SLC35F3: variants seen among roughly 807,000 people sequenced by gnomAD.
The protein encoded by SLC35F3 is solute carrier family 35 member F3.
In SLC35F3, 25 loss-of-function variants were observed where a neutral mutation model predicts 49.9. That is an observed-to-expected ratio of 0.50 (90% CI 0.37 to 0.70). The LOEUF (loss-of-function observed/expected upper bound fraction) is 0.70, where lower values mean the gene tolerates loss of function less well. SLC35F3 is among the 30% of genes least tolerant of loss of function. The pLI is 0.00. For synonymous variants in SLC35F3, 275 were observed against 265.4 expected, an observed-to-expected ratio of 1.04 and a Z score of -0.35; for missense variants, 525 against 639.8, an observed-to-expected ratio of 0.82 and a Z score of 1.94.
chr1:234,285,280 T>C, intron 3 of SLC35F3: 2 of 459,028 alleles, frequency 4.4e-6, no homozygotes, highest in South Asian at 3.1e-5. Flanking sequence ...AACATCCTTA[T>C]CCAGAAGAAT....
intron 2 of SLC35F3, chr1:234,212,593 TAAC>T (rs1012893901): frequency 7.2e-5 from 11 of 152,196 alleles, no homozygotes; most frequent in East Asian, 3.8e-4. Context: ...TGAAACGAGA[TAAC>T]AACAATCTTA....
chr1:234,065,322 A>G (rs1208797209), intron 2 of SLC35F3, among the ~76,000 whole-genome samples: 1 of 151,766 alleles, frequency 6.6e-6, no homozygotes, highest in Non-Finnish European at 1.5e-5. Context: ...AATTTTTTGT[A>G]TTTTTTAGTA....
rs1010414566 is a variant in SLC35F3, at chr1:234,114,629, T to A, written c.284-116788T>A. ...TTGTTTGCTGAGAATTGAGATTTAA[T>A]TCTTTTAATGTGTTTTTAAGAGTAA... On this transcript the variant is annotated intron_variant, in intron 2 of 7. Transcript: ENST00000366618. Among the ~76,000 whole-genome samples, 4 of 152,258 alleles carry A rather than the reference T, an allele frequency of 2.6e-5. No homozygotes were observed. In the East Asian group the frequency reaches 7.7e-4, roughly 29 times the overall value.
chr1:233,929,283 C>A (rs1054665196), intron 2 of SLC35F3, among the ~76,000 whole-genome samples: 2 of 152,184 alleles, frequency 1.3e-5, no homozygotes, highest in Non-Finnish European at 2.9e-5. Flanking sequence ...ACCAACATTA[C>A]CTTTTATGTT....
intron 3 of SLC35F3, among the ~76,000 whole-genome samples, chr1:234,293,226 C>G (rs1668536574): frequency 6.6e-6 from 1 of 152,170 alleles, no homozygotes; most frequent in Non-Finnish European, 1.5e-5. Flanking sequence ...AGAAAGGAGC[C>G]ATAAACAAGA....
At chr1:234,237,960 C>A (rs953914021) in intron 3 of SLC35F3, among the ~76,000 whole-genome samples, 7 of 152,152 alleles carry the variant, frequency 4.6e-5, no homozygotes, top group Non-Finnish European at 7.4e-5. Flanking sequence ...CACCTTGGCC[C>A]CCCAAAGTGC....
intron 3 of SLC35F3, among the ~76,000 whole-genome samples, chr1:234,288,148 A>G (rs1668452943): frequency 6.6e-6 from 1 of 152,184 alleles, no homozygotes; most frequent in South Asian, 2.1e-4. Context: ...CAGCCTCCCA[A>G]GGCACTAGGA....
At chr1:234,117,910 ATATGTGTGTGTGTGTGTGTGTGTG>A (rs1665514324) in intron 2 of SLC35F3, among the ~76,000 whole-genome samples, 2 of 79,656 alleles carry the variant, frequency 2.5e-5, no homozygotes, top group Non-Finnish European at 4.8e-5. Context: ...AAAAGACTAT[ATATGTGTGTGTGTGTGTGTGTGTG>A]TGTGTGTGTG....
intron 2 of SLC35F3, among the ~76,000 whole-genome samples, chr1:234,154,980 A>T: frequency 6.6e-6 from 1 of 152,204 alleles, no homozygotes; most frequent in East Asian, 1.9e-4. Context: ...CTCTTAGGCA[A>T]AATGATGTGT....
intron 2 of SLC35F3, among the ~76,000 whole-genome samples, chr1:234,062,034 A>G (rs928123482): frequency 6.6e-6 from 1 of 152,152 alleles, no homozygotes; most frequent in African/African-American, 2.4e-5. Flanking sequence ...TATGTCTCAC[A>G]ATATTTTTTG....
intron 2 of SLC35F3, among the ~76,000 whole-genome samples, chr1:234,019,032 T>A (rs986486435): frequency 2.6e-5 from 4 of 152,210 alleles, no homozygotes; most frequent in African/African-American, 7.2e-5. Flanking sequence ...TGTCCCAACC[T>A]GACCAGGTGG....
At chr1:234,208,896 G>T (rs765862789) in intron 2 of SLC35F3, among the ~76,000 whole-genome samples, 8 of 152,174 alleles carry the variant, frequency 5.3e-5, no homozygotes, top group Non-Finnish European at 8.8e-5. Flanking sequence ...ATAAAGAACA[G>T]GCTCCTATCA....
intron 2 of SLC35F3, among the ~76,000 whole-genome samples, chr1:234,049,621 G>C (rs544327371): frequency 6.8e-4 from 103 of 152,132 alleles, no homozygotes; most frequent in African/African-American, 2.3e-3. Context: ...TACTAATTTT[G>C]TATTTTTTGT....
At chr1:234,159,041 C>G (rs1227218106) in intron 2 of SLC35F3, among the ~76,000 whole-genome samples, 1 of 152,032 alleles carries the variant, frequency 6.6e-6, no homozygotes, top group Non-Finnish European at 1.5e-5. Flanking sequence ...CCCACTTTTG[C>G]TTCATACCAG....
At chr1:234,044,311 A>C (rs1026976195) in intron 2 of SLC35F3, among the ~76,000 whole-genome samples, 1 of 152,172 alleles carries the variant, frequency 6.6e-6, no homozygotes, top group African/African-American at 2.4e-5. Context: ...TTTCTTTATA[A>C]ATTACCCAGC....
chr1:233,906,049 C>A (rs375534807), intron 2 of SLC35F3, among the ~76,000 whole-genome samples: 13 of 152,318 alleles, frequency 8.5e-5, no homozygotes, highest in African/African-American at 3.1e-4. Flanking sequence ...TGTGGCAGAC[C>A]GTGGGAAACA....
intron 4 of SLC35F3, among the ~76,000 whole-genome samples, chr1:234,312,402 C>T (rs1274736595): frequency 6.6e-6 from 1 of 152,230 alleles, no homozygotes; most frequent in East Asian, 1.9e-4. Context: ...GATCAGTTCG[C>T]ATCTCAATCA....
intron 3 of SLC35F3, among the ~76,000 whole-genome samples, chr1:234,301,345 A>T (rs1291048531): frequency 1.3e-5 from 2 of 152,240 alleles, no homozygotes; most frequent in African/African-American, 4.8e-5. Flanking sequence ...ACATATGCAC[A>T]AGAAAAAGAC....
intron 2 of SLC35F3, among the ~76,000 whole-genome samples, chr1:234,076,170 T>C (rs1664788720): frequency 6.6e-6 from 1 of 151,226 alleles, no homozygotes; most frequent in Non-Finnish European, 1.5e-5. Flanking sequence ...TTTTTTTCTT[T>C]GGTAAAGTTA....
Sources: allele counts gnomAD v4.1 joint callset (sites outside exome capture counted in the v4.1 genomes callset), GRCh38; gene constraint gnomAD v4.1.1; transcripts MANE v1.5; gene names NCBI Gene and HGNC (gene_info 2026-07-23, HGNC 2026-07-21).